DYNLT1: variants seen among roughly 807,000 people sequenced by gnomAD.
The protein encoded by DYNLT1 is dynein light chain Tctex-type 1, also known as T-complex testis-specific protein 1 homolog.
In DYNLT1, 18 loss-of-function variants were observed where a neutral mutation model predicts 19.6. The ratio of observed to expected loss-of-function variants is 0.92; its 90% CI spans 0.64 to 1.36. The LOEUF (loss-of-function observed/expected upper bound fraction) is 1.36, where lower values mean the gene tolerates loss of function less well. Ranked by LOEUF, DYNLT1 falls within the 40% of genes most tolerant of loss-of-function variation. DYNLT1 has a pLI of 0.00. For missense variants in DYNLT1, 137 were observed against 139.3 expected, an observed-to-expected ratio of 0.98 and a Z score of 0.08; for synonymous variants, 56 against 44.0, an observed-to-expected ratio of 1.27 and a Z score of -1.07.
intron 2 of DYNLT1, among the ~76,000 whole-genome samples, 160 bp from the exon 3 acceptor site, chr6:158,638,054 TTAAA>T (rs1787055826): frequency 6.6e-6 from 1 of 152,234 alleles, no homozygotes; most frequent in Admixed American, 6.5e-5. Flanking sequence ...TATATTTCAT[TTAAA>T]TAAGTTTGAA....
chr6:158,638,383 A>C (rs927274224), intron 2 of DYNLT1, among the ~76,000 whole-genome samples: 9 of 152,220 alleles, frequency 5.9e-5, no homozygotes, highest in African/African-American at 2.2e-4. Flanking sequence ...GATAACTAAA[A>C]GCCCTTTATA....
intron 1 of DYNLT1, chr6:158,642,672 A>G (rs1169032758): frequency 1.3e-5 from 2 of 152,234 alleles, no homozygotes; most frequent in African/African-American, 4.8e-5. Flanking sequence ...ACAATTTGCA[A>G]TATCTTAGAG....
Position 158,636,741 on chromosome 6 carries a change from T to G in DYNLT1, c.*86A>C. 1 of 1,427,734 alleles carries G rather than the reference T, an allele frequency of 7.0e-7. No individual in the cohort carries two copies. The highest frequency in any genetic ancestry group is 9.6e-7 in the Non-Finnish European group (1 of 1,044,262). The allele number at this position is 1,427,734 out of a possible 1,614,324, so 88.4% of individuals were successfully genotyped here. A position where few individuals can be genotyped will look rare whatever the true frequency, so the allele number is the denominator to read the frequency against. On this transcript the variant is annotated 3_prime_UTR_variant, in exon 5 of 5. Transcript: ENST00000367089. Reference sequence around the variant, plus strand: ...TGAAAGTGCCACAAAACAAAGAGAATGAGAAAAGAGTTCACTGAATTCATG... The same window carrying G: ...TGAAAGTGCCACAAAACAAAGAGAAGGAGAAAAGAGTTCACTGAATTCATG...
chr6:158,636,710 A>G lies in DYNLT1; in HGVS notation c.*117T>C. 2 of 1,247,068 alleles carry G rather than the reference A, an allele frequency of 1.6e-6. No individual in the cohort carries two copies. Among genetic ancestry groups the G allele is most frequent in the Non-Finnish European group, 2.2e-6 (2 of 895,060 alleles). 77.3% of individuals were successfully genotyped at this position (1,247,068 alleles called of 1,614,324 possible). A position where few individuals can be genotyped will look rare whatever the true frequency, so the allele number is the denominator to read the frequency against. The stretch of plus-strand genomic sequence containing the variant: ...GTGCGGTCATTTGGTTTTTTCCTCT[A>G]CATTGTGAAAGTGCCACAAAACAAA... On this transcript the variant is annotated 3_prime_UTR_variant, in exon 5 of 5. Transcript: ENST00000367089.
chr6:158,637,233 G>T, intron 3 of DYNLT1, 28 bp from the exon 4 acceptor site: 1 of 1,601,114 alleles, frequency 6.2e-7, no homozygotes. Context: ...TTTTGTTAGA[G>T]AAGTCTACTG....
At chr6:158,644,612 G>C in intron 1 of DYNLT1, 70 bp downstream of exon 1, 1 of 1,590,602 alleles carries the variant, frequency 6.3e-7, no homozygotes, top group Non-Finnish European at 8.6e-7. Flanking sequence ...GCCTTTCCGG[G>C]CAGGACCGCG....
At chr6:158,637,491 C>T in intron 3 of DYNLT1, 2 of 618,466 alleles carry the variant, frequency 3.2e-6, no homozygotes, top group Admixed American at 3.0e-5. Context: ...CTAAGTTGAG[C>T]CACTGTCAGC....
intron 3 of DYNLT1, 159 bp downstream of exon 3, chr6:158,637,612 G>A: frequency 9.2e-7 from 1 of 1,084,064 alleles, no homozygotes; most frequent in Non-Finnish European, 1.4e-6. Context: ...GCAGCCAAAT[G>A]GTCAAGCGTA....
chr6:158,644,651 T>C, intron 1 of DYNLT1, 31 bp downstream of exon 1: 1 of 1,611,432 alleles, frequency 6.2e-7, no homozygotes. Flanking sequence ...GCTCTAGGCC[T>C]CCACCCTTCC....
Position 158,637,760 on chromosome 6 carries a change from G to C in DYNLT1, c.193+11C>G. 1 of 1,614,138 alleles carries C rather than the reference G, an allele frequency of 6.2e-7. No homozygotes were observed. The highest frequency in any genetic ancestry group is 8.5e-7 in the Non-Finnish European group (1 of 1,180,026). ...CATCCCGCAAATATAAAAGAAACAA[G>C]ACTCCATTACCGATGTATTTAAATG... On this transcript the variant is annotated intron_variant, in intron 3 of 4. Coordinates refer to ENST00000367089, the MANE Select transcript of DYNLT1 (RefSeq NM_006519.4).
At chr6:158,644,655 C>G in intron 1 of DYNLT1, 27 bp downstream of exon 1, 2 of 1,611,660 alleles carry the variant, frequency 1.2e-6, no homozygotes, top group Non-Finnish European at 1.7e-6. Context: ...TAGGCCTCCA[C>G]CCTTCCGTCG....
intron 1 of DYNLT1, among the ~76,000 whole-genome samples, chr6:158,643,225 G>A (rs1289298490): frequency 6.6e-6 from 1 of 152,132 alleles, no homozygotes; most frequent in African/African-American, 2.4e-5. Flanking sequence ...CGATATTACT[G>A]TAATACAAGA....
chr6:158,639,431 C>G (rs1787089040), intron 2 of DYNLT1, among the ~76,000 whole-genome samples: 1 of 152,080 alleles, frequency 6.6e-6, no homozygotes, highest in African/African-American at 2.4e-5. Flanking sequence ...GTGGGGGAGG[C>G]TTTGTTGAAG....
At chr6:158,638,310 A>G (rs1412793865) in intron 2 of DYNLT1, among the ~76,000 whole-genome samples, 1 of 152,278 alleles carries the variant, frequency 6.6e-6, no homozygotes, top group East Asian at 1.9e-4. Flanking sequence ...ATAATCATAT[A>G]TTAAAAAATA....
intron 1 of DYNLT1, 25 bp from the exon 2 acceptor site, chr6:158,641,385 G>C: frequency 6.3e-7 from 1 of 1,576,306 alleles, no homozygotes. Context: ...ATTCAGTTAA[G>C]TTTGATTTAT....
chr6:158,636,658 T>C lies in DYNLT1; in HGVS notation c.*169A>G, dbSNP rs1787002921. On this transcript the variant is annotated 3_prime_UTR_variant, in exon 5 of 5. Coordinates refer to ENST00000367089, the MANE Select transcript of DYNLT1 (RefSeq NM_006519.4). ...TGCAGGTGACCTACAGGGATACTCA[T>C]CTGACTTCGGTGCCATTCACATCAC... 1.5e-6 allele frequency: 1 copy of C among 669,024 alleles called. No homozygotes were observed. Among genetic ancestry groups the C allele is most frequent in the Non-Finnish European group, 2.5e-6 (1 of 399,574 alleles). The allele number at this position is 669,024 out of a possible 1,614,324, so 41.4% of individuals were successfully genotyped here.
intron 1 of DYNLT1, chr6:158,641,914 A>C (rs1218958951): frequency 6.6e-6 from 1 of 152,244 alleles, no homozygotes; most frequent in African/African-American, 2.4e-5. Flanking sequence ...CTTCACTTTA[A>C]ACTAGAATTC....
intron 2 of DYNLT1, 71 bp downstream of exon 2, chr6:158,641,248 G>C: frequency 7.2e-7 from 1 of 1,387,916 alleles, no homozygotes; most frequent in Non-Finnish European, 9.8e-7. Context: ...TTCCAAGATA[G>C]TATTTAAAAC....
intron 1 of DYNLT1, 106 bp downstream of exon 1, chr6:158,644,576 C>A (rs1168017723): frequency 3.6e-6 from 5 of 1,393,274 alleles, no homozygotes. Context: ...CCGAGACTGG[C>A]CTAGCTGAAG....
Sources: gnomAD v4.1 joint callset for allele counts (sites outside exome capture counted in the v4.1 genomes callset) on GRCh38, gnomAD v4.1.1 for gene constraint, MANE v1.5 for transcripts, NCBI Gene and HGNC (gene_info 2026-07-23, HGNC 2026-07-21) for gene names.